UGGT2: variants seen among roughly 807,000 people sequenced by gnomAD.
UGGT2 encodes UDP-glucose:glycoprotein glucosyltransferase 2.
A neutral mutation model predicts 192.1 loss-of-function variants in UGGT2; 180 were observed. The ratio of observed to expected loss-of-function variants is 0.94; its 90% confidence interval spans 0.83 to 1.06. The LOEUF (loss-of-function observed/expected upper bound fraction) is 1.06. UGGT2 is among the 50% of genes least tolerant of loss of function. The pLI is 0.00. For synonymous variants in UGGT2, 580 were observed against 591.0 expected (o/e 0.98, Z 0.27); for missense variants, 1,849 against 1,795.7 (o/e 1.03, Z -0.54).
chr13:95,831,410 C>T (rs1886671845), intron 38 of UGGT2, among the ~76,000 whole-genome samples: 1 of 151,968 alleles, frequency 6.6e-6, no homozygotes. Context: ...TGCTCTATAA[C>T]CTATTTTTTA....
intron 10 of UGGT2, among the ~76,000 whole-genome samples, chr13:95,972,939 G>C (rs1037340206): frequency 1.3e-5 from 2 of 152,198 alleles, no homozygotes; most frequent in Non-Finnish European, 2.9e-5. Context: ...GGGAGGCCGA[G>C]GTGGGTGGAT....
intron 16 of UGGT2, 116 bp from the exon 17 acceptor site, chr13:95,937,204 G>T: frequency 8.2e-7 from 1 of 1,221,870 alleles, no homozygotes; most frequent in Non-Finnish European, 1.1e-6. Flanking sequence ...CATCCATTTT[G>T]CTAACTTTAT....
chr13:96,024,025 A>C (rs975295724), intron 2 of UGGT2, among the ~76,000 whole-genome samples: 2 of 152,238 alleles, frequency 1.3e-5, no homozygotes, highest in Non-Finnish European at 2.9e-5. Flanking sequence ...AACATTTCAG[A>C]CCAACTTACT....
chr13:95,948,218 T>TACACACACACACACACAC (rs149949392), intron 13 of UGGT2, 137 bp from the exon 14 acceptor site: 58 of 317,706 alleles, frequency 1.8e-4, no homozygotes, highest in African/African-American at 1.3e-3. Context: ...TTCTAAGGAA[T>TACACACACACACACACAC]ACACACACAC....
chr13:96,009,054 T>G (rs942942337), intron 5 of UGGT2, among the ~76,000 whole-genome samples: 2 of 152,242 alleles, frequency 1.3e-5, no homozygotes, highest in African/African-American at 4.8e-5. Flanking sequence ...TGCAGCCATC[T>G]GATTTTTGAC....
At chr13:95,888,804 C>A (rs1368399542) in intron 25 of UGGT2, among the ~76,000 whole-genome samples, 1 of 150,356 alleles carries the variant, frequency 6.7e-6, no homozygotes, top group Non-Finnish European at 1.5e-5. Flanking sequence ...TATTTTATAT[C>A]TCTGTATAAT....
chr13:95,916,161 G>C (rs1177119675), intron 20 of UGGT2, among the ~76,000 whole-genome samples: 1 of 152,130 alleles, frequency 6.6e-6, no homozygotes, highest in Non-Finnish European at 1.5e-5. Flanking sequence ...GCTGGCAATA[G>C]GTCTGTACCC....
chr13:96,008,588 A>T (rs1167451427), intron 5 of UGGT2, among the ~76,000 whole-genome samples: 1 of 152,172 alleles, frequency 6.6e-6, no homozygotes, highest in African/African-American at 2.4e-5. Flanking sequence ...CAGCAACAAC[A>T]TCCAAACTGG....
chr13:95,825,264 G>C (rs561554476), intron 38 of UGGT2, among the ~76,000 whole-genome samples: 1 of 152,222 alleles, frequency 6.6e-6, no homozygotes, highest in African/African-American at 2.4e-5. Context: ...TGGTATCCCT[G>C]GGTAGGAACC....
In UGGT2 at chr13:95,877,864, G is replaced by C; in HGVS notation, c.3229-8C>G. On this transcript the variant is annotated splice_region_variant and splice_polypyrimidine_tract_variant and intron_variant, in intron 27 of 38. Coordinates refer to ENST00000376747, the MANE Select transcript of UGGT2 (RefSeq NM_020121.4). ...TGTAACAGTTTTCTCAGTCTGTGGA[G>C]GAAGTATGTCATTGTTTTTGGTGTT... The C allele has an allele frequency of 6.2e-7, 1 of 1,606,252 alleles. No individual in the cohort carries two copies. Among genetic ancestry groups the C allele is most frequent in the Non-Finnish European group, 8.5e-7 (1 of 1,176,564 alleles).
chr13:95,903,136 T>A (rs752214797), intron 20 of UGGT2, 76 bp from the exon 21 acceptor site: 23 of 1,407,750 alleles, frequency 1.6e-5, no homozygotes, highest in Middle Eastern at 2.6e-4. Context: ...TTCTTTCCCA[T>A]CCAGTTTGTT....
chr13:95,897,662 G>A (rs913277175), intron 22 of UGGT2, among the ~76,000 whole-genome samples: 1 of 152,076 alleles, frequency 6.6e-6, no homozygotes, highest in Non-Finnish European at 1.5e-5. Context: ...TGATTATTAT[G>A]CTTAACAGCA....
chr13:96,033,375 C>T (rs866062068), intron 1 of UGGT2, among the ~76,000 whole-genome samples: 32 of 152,162 alleles, frequency 2.1e-4, no homozygotes, highest in Admixed American at 1.1e-3. Flanking sequence ...GAAGCCCCAC[C>T]CACTTCTGAG....
intron 5 of UGGT2, among the ~76,000 whole-genome samples, chr13:96,007,429 A>G (rs1170884084): frequency 6.6e-6 from 1 of 152,206 alleles, no homozygotes; most frequent in East Asian, 1.9e-4. Flanking sequence ...TTTATTCAAC[A>G]TAATACTAGA....
In UGGT2 at chr13:95,802,003, A is replaced by G. The variant is rs7331052; in HGVS notation, c.4529-191T>C. On this transcript the variant is annotated intron_variant, in intron 38 of 38. Coordinates refer to ENST00000376747, the MANE Select transcript of UGGT2 (RefSeq NM_020121.4). ...ACTGTGATGTCTATTATATTGTCTC[A>G]TAACTACTGGTCTTTCTACCCACCT... Among the ~76,000 whole-genome samples the G allele has an allele frequency of 3.4e-3, 516 of 152,282 alleles. 2 individuals are homozygous for G. Among genetic ancestry groups the G allele is most frequent in the African/African-American group, 0.012 (500 of 41,552 alleles).
chr13:96,024,381 C>T (rs1239916280), intron 2 of UGGT2, among the ~76,000 whole-genome samples: 1 of 152,178 alleles, frequency 6.6e-6, no homozygotes, highest in Non-Finnish European at 1.5e-5. Context: ...AATTCTCCAA[C>T]ACCCCTGGGG....
intron 11 of UGGT2, among the ~76,000 whole-genome samples, chr13:95,971,282 T>C (rs2050765342): frequency 6.6e-6 from 1 of 152,206 alleles, no homozygotes; most frequent in Non-Finnish European, 1.5e-5. Flanking sequence ...TAATATGACA[T>C]TTTACTTCCA....
chr13:96,042,316 A>C (rs1260043827), intron 1 of UGGT2, among the ~76,000 whole-genome samples: 1 of 152,206 alleles, frequency 6.6e-6, no homozygotes, highest in Non-Finnish European at 1.5e-5. Flanking sequence ...GAAAAGAAGG[A>C]GAGTACTACA....
chr13:95,875,264 C>A (rs1330688847), intron 29 of UGGT2, among the ~76,000 whole-genome samples: 1 of 152,084 alleles, frequency 6.6e-6, no homozygotes, highest in Admixed American at 6.5e-5. Flanking sequence ...AAGTCTTTTG[C>A]ACATTTTCTT....
Sources: gnomAD v4.1 joint callset for allele counts (sites outside exome capture counted in the v4.1 genomes callset) on GRCh38, gnomAD v4.1.1 for gene constraint, MANE v1.5 for transcripts, NCBI Gene and HGNC (gene_info 2026-07-23, HGNC 2026-07-21) for gene names.